Variants in COMMD1 observed in about 807,000 individuals in gnomAD.
The protein encoded by COMMD1 is copper metabolism domain containing 1, also known as COMM domain-containing protein 1.
A neutral mutation model predicts 17.2 loss-of-function variants in COMMD1; 10 were observed. The ratio of observed to expected loss-of-function variants is 0.58; its 90% confidence interval spans 0.36 to 0.99. The LOEUF is 0.99. Among genes scored for constraint, COMMD1 ranks in the 50% least tolerant of loss-of-function variants. COMMD1 has a pLI of 0.01. For missense variants in COMMD1, 270 were observed against 231.8 expected, an observed-to-expected ratio of 1.17 and a Z score of -1.07; for synonymous variants, 97 against 91.6, an observed-to-expected ratio of 1.06 and a Z score of -0.34.
chr2:61,945,191 A>G (rs1670875136), intron 1 of COMMD1, among the ~76,000 whole-genome samples: 1 of 152,172 alleles, frequency 6.6e-6, no homozygotes, highest in Non-Finnish European at 1.5e-5. Flanking sequence ...TCAGCTACTT[A>G]CCTAGGAATG....
intron 1 of COMMD1, among the ~76,000 whole-genome samples, chr2:61,975,591 G>T (rs1671779866): frequency 6.6e-6 from 1 of 151,846 alleles, no homozygotes; most frequent in Admixed American, 6.6e-5. Context: ...TGATCTTTCT[G>T]TAAATTTCTT....
chr2:62,077,537 A>G (rs1449138696), intron 2 of COMMD1, among the ~76,000 whole-genome samples: 11 of 152,096 alleles, frequency 7.2e-5, no homozygotes, highest in South Asian at 2.1e-4. Flanking sequence ...ACACATCCCT[A>G]TTATCATACT....
At chr2:61,971,249 C>T (rs1275892743) in intron 1 of COMMD1, among the ~76,000 whole-genome samples, 2 of 152,204 alleles carry the variant, frequency 1.3e-5, no homozygotes, top group African/African-American at 2.4e-5. Context: ...AATAAAGGGG[C>T]GTGAGAGCCT....
chr2:61,923,198 A>G (rs953741455), intron 1 of COMMD1, among the ~76,000 whole-genome samples: 9 of 152,190 alleles, frequency 5.9e-5, no homozygotes, highest in Non-Finnish European at 1.2e-4. Context: ...ATTAAATTAT[A>G]AACCTTCAAT....
At chr2:61,988,434 AG>A (rs1672162020) in intron 1 of COMMD1, among the ~76,000 whole-genome samples, 1 of 152,134 alleles carries the variant, frequency 6.6e-6, no homozygotes, top group Non-Finnish European at 1.5e-5. Flanking sequence ...CATCTGGCCC[AG>A]GGTTTGTCTA....
intron 2 of COMMD1, among the ~76,000 whole-genome samples, chr2:62,002,748 C>G (rs1028110693): frequency 3.4e-5 from 5 of 146,484 alleles, no homozygotes; most frequent in Non-Finnish European, 7.6e-5. Flanking sequence ...CCCAGTTACT[C>G]AGGAGGCTGA....
At chr2:61,910,274 G>A (rs191425852) in intron 1 of COMMD1, among the ~76,000 whole-genome samples, 279 of 150,340 alleles carry the variant, frequency 1.9e-3, no homozygotes, top group African/African-American at 5.7e-3. Context: ...TTTTTAAGAC[G>A]GAGTCTCACT....
chr2:62,011,484 G>A (rs1305947081), intron 2 of COMMD1, among the ~76,000 whole-genome samples: 3 of 152,016 alleles, frequency 2.0e-5, no homozygotes, highest in East Asian at 1.9e-4. Context: ...CTCCAGATTA[G>A]CATTTAAGAG....
intron 1 of COMMD1, among the ~76,000 whole-genome samples, chr2:61,985,743 G>A (rs1672090243): frequency 6.6e-6 from 1 of 151,966 alleles, no homozygotes; most frequent in Non-Finnish European, 1.5e-5. Context: ...AAACAAACAA[G>A]CAAAAAGAAA....
intron 2 of COMMD1, among the ~76,000 whole-genome samples, chr2:62,035,406 A>G (rs188365534): frequency 6.6e-6 from 1 of 152,262 alleles, no homozygotes; most frequent in East Asian, 1.9e-4. Context: ...GTGTGTTGAG[A>G]GAGAGCCAGA....
chr2:61,938,384 G>A (rs1353031417), intron 1 of COMMD1, among the ~76,000 whole-genome samples: 4 of 152,048 alleles, frequency 2.6e-5, no homozygotes, highest in Non-Finnish European at 5.9e-5. Context: ...TAAATACATT[G>A]CGTGTGTTCA....
intron 2 of COMMD1, among the ~76,000 whole-genome samples, chr2:62,134,862 G>T (rs772382166): frequency 6.6e-6 from 1 of 152,162 alleles, no homozygotes; most frequent in East Asian, 1.9e-4. Flanking sequence ...TAAGGGAGCT[G>T]TGAGGAGGGT....
Position 61,913,382 on chromosome 2 carries a change from A to T in COMMD1, c.180+7524A>T, listed in dbSNP as rs546321166. Among the ~76,000 whole-genome samples, 4 of 144,944 alleles carry T rather than the reference A, an allele frequency of 2.8e-5. No individual in the cohort carries two copies. The South Asian group carries it at 6.7e-4, about 24-fold the overall frequency. ...ACTCCATCTCAAAAAAAAAAAAAAA[A>T]AAAAGAGAAAAGTGGCCGGGCATGG... On this transcript the variant is annotated intron_variant, in intron 1 of 2. Coordinates refer to ENST00000311832, the MANE Select transcript of COMMD1 (RefSeq NM_152516.4).
chr2:62,090,523 G>A (rs1377288887), intron 2 of COMMD1, among the ~76,000 whole-genome samples: 2 of 152,190 alleles, frequency 1.3e-5, no homozygotes, highest in East Asian at 3.8e-4. Context: ...GGTCCTCAAT[G>A]TCTAAATTGT....
chr2:62,110,508 C>T (rs1405023535), intron 2 of COMMD1, among the ~76,000 whole-genome samples: 1 of 152,110 alleles, frequency 6.6e-6, no homozygotes, highest in African/African-American at 2.4e-5. Context: ...AACTGACTGC[C>T]CCAAGTCAAA....
At chr2:61,928,701 C>G (rs1192339920) in intron 1 of COMMD1, 1 of 152,032 alleles carries the variant, frequency 6.6e-6, no homozygotes, top group Non-Finnish European at 1.5e-5. Flanking sequence ...TATAAACCAG[C>G]CTTGAATATT....
Position 62,048,283 on chromosome 2 carries a change from C to T in COMMD1, c.462+47301C>T, listed in dbSNP as rs12615829. On this transcript the variant is annotated intron_variant, in intron 2 of 2. Coordinates refer to ENST00000311832, the MANE Select transcript of COMMD1 (RefSeq NM_152516.4). Reference sequence around the variant, plus strand: ...CTGCAACCTCCGCCTCCTGGGTTCACGCCATTCTCCTGCCTCAGCCTTCAG... The same window carrying T: ...CTGCAACCTCCGCCTCCTGGGTTCATGCCATTCTCCTGCCTCAGCCTTCAG... 4.4e-4 allele frequency among the ~76,000 whole-genome samples: 66 copies of T among 150,852 alleles called. 3 individuals are homozygous for T. In the East Asian group the frequency reaches 6.5e-3, roughly 15 times the overall value.
intron 2 of COMMD1, among the ~76,000 whole-genome samples, chr2:62,092,317 A>G (rs1671854560): frequency 6.6e-6 from 1 of 152,156 alleles, no homozygotes; most frequent in Non-Finnish European, 1.5e-5. Context: ...AATGGGAGTT[A>G]TTTGAGGGTT....
intron 2 of COMMD1, among the ~76,000 whole-genome samples, chr2:62,006,198 G>T (rs866377439): frequency 4.0e-5 from 5 of 123,524 alleles, no homozygotes; most frequent in African/African-American, 1.5e-4. Flanking sequence ...ACTGTTGTGG[G>T]GTGGGGGGAG....
Sources: gnomAD v4.1 joint callset for allele counts (sites outside exome capture counted in the v4.1 genomes callset) on GRCh38, gnomAD v4.1.1 for gene constraint, MANE v1.5 for transcripts, NCBI Gene and HGNC (gene_info 2026-07-23, HGNC 2026-07-21) for gene names.